Variants in DPYS observed in about 807,000 individuals in gnomAD.
The protein encoded by DPYS is dihydropyrimidinase, also known as dihydropyrimidine amidohydrolase.
In DPYS, 39 loss-of-function variants were observed where a neutral mutation model predicts 50.3. The ratio of observed to expected loss-of-function variants is 0.78; its 90% CI spans 0.60 to 1.01. DPYS has a LOEUF of 1.01. DPYS is among the 50% of genes least tolerant of loss of function. The pLI is 0.00. For missense variants in DPYS, 659 were observed against 680.9 expected (o/e 0.97, Z 0.36); for synonymous variants, 245 against 250.7 (o/e 0.98, Z 0.22).
rs2140620983 is a variant in DPYS at position 104,424,020 on chromosome 8, T to C, written c.1235+227A>G. 8 of 985,408 alleles carry C rather than the reference T, an allele frequency of 8.1e-6. No homozygotes were observed. The South Asian group carries it at 3.3e-4, about 41-fold the overall frequency. The allele number at this position is 985,408 out of a possible 1,614,324, so 61.0% of individuals were successfully genotyped here. ...AATTCATATTGGTTTTATATACAGA[T>C]CCATTGTCAGAGAATGCAACACAAC... On this transcript the variant is annotated intron_variant, in intron 7 of 9. Coordinates refer to ENST00000351513, the MANE Select transcript of DPYS (RefSeq NM_001385.3).
chr8:104,428,219 A>G (rs556993389), intron 5 of DPYS, 98 bp from the exon 6 acceptor site: 11 of 1,535,080 alleles, frequency 7.2e-6, no homozygotes, highest in East Asian at 4.5e-5. Context: ...TCCCTTCTCA[A>G]TTGAAGTCAG....
chr8:104,397,941 G>A (rs1302680893), intron 7 of DPYS, among the ~76,000 whole-genome samples: 1 of 152,184 alleles, frequency 6.6e-6, no homozygotes, highest in Admixed American at 6.5e-5. Flanking sequence ...ATATCATCAC[G>A]TGATTTATCA....
At chr8:104,403,274 A>C (rs1329505386) in intron 7 of DPYS, among the ~76,000 whole-genome samples, 1 of 152,110 alleles carries the variant, frequency 6.6e-6, no homozygotes, top group Non-Finnish European at 1.5e-5. Flanking sequence ...CACCCTAATC[A>C]AGCTGAACAC....
chr8:104,431,138 T>G (rs1256691462), intron 4 of DPYS, among the ~76,000 whole-genome samples: 1 of 152,150 alleles, frequency 6.6e-6, no homozygotes, highest in Non-Finnish European at 1.5e-5. Flanking sequence ...AGTCGCTGAC[T>G]GAGGATTTTC....
intron 7 of DPYS, among the ~76,000 whole-genome samples, chr8:104,401,060 G>A (rs1811785517): frequency 6.6e-6 from 1 of 152,054 alleles, no homozygotes; most frequent in Admixed American, 6.5e-5. Context: ...CCAGATAAAT[G>A]ACTTGTTTTA....
intron 7 of DPYS, chr8:104,420,202 G>A (rs1812497835): frequency 6.6e-6 from 1 of 152,168 alleles, no homozygotes; most frequent in Admixed American, 6.5e-5. Flanking sequence ...AAGGACAGTG[G>A]AAAGCTATGG....
At chr8:104,448,284 T>C (rs555540831) in intron 2 of DPYS, among the ~76,000 whole-genome samples, 87 of 151,904 alleles carry the variant, frequency 5.7e-4, no homozygotes, top group African/African-American at 2.0e-3. Context: ...GCCTCCTGAG[T>C]AGCTGGGATT....
At chr8:104,401,952 T>G (rs532274404) in intron 7 of DPYS, among the ~76,000 whole-genome samples, 6 of 152,352 alleles carry the variant, frequency 3.9e-5, no homozygotes, top group African/African-American at 1.4e-4. Flanking sequence ...GCCACGTTAT[T>G]AAATCTAAAT....
intron 7 of DPYS, among the ~76,000 whole-genome samples, chr8:104,401,452 C>T (rs1237057333): frequency 1.3e-5 from 2 of 152,072 alleles, no homozygotes; most frequent in Non-Finnish European, 1.5e-5. Context: ...CTGGGCCTTT[C>T]GCTTCAGAGG....
rs1426625943 is a variant in DPYS, at chr8:104,444,362, C to T, written c.679G>A (p.Ala227Thr). ...HELCRPEAVE[A>T]EATLRAITIA... is the part of the protein sequence containing the mutation. Reference sequence around the variant, plus strand: ...GTGATGGCTCTCAGCGTGGCCTCTGCCTCCACTGCCTCTGGGCGGCACAGC... The same window carrying T: ...GTGATGGCTCTCAGCGTGGCCTCTGTCTCCACTGCCTCTGGGCGGCACAGC... The change falls in exon 4 of 10, where the codon GCA (alanine) becomes ACA (threonine). Residue 227 changes from alanine to threonine, a missense_variant. By Grantham distance (58) the Ala-to-Thr change is moderately conservative (BLOSUM62 0). Coordinates refer to ENST00000351513, the MANE Select transcript of DPYS (RefSeq NM_001385.3). 3 of 1,614,244 alleles carry T rather than the reference C, an allele frequency of 1.9e-6. No individual in the cohort carries two copies. The highest frequency in any genetic ancestry group is 4.5e-5 in the East Asian group (2 of 44,886).
chr8:104,459,196 G>A (rs923982634), intron 1 of DPYS, among the ~76,000 whole-genome samples: 2 of 152,220 alleles, frequency 1.3e-5, no homozygotes, highest in Admixed American at 1.3e-4. Flanking sequence ...TGTCAGCCAA[G>A]TAAGCAGGTC....
chr8:104,381,512 A>C (rs1811038198), intron 8 of DPYS, 198 bp from the exon 9 acceptor site: 1 of 558,360 alleles, frequency 1.8e-6, no homozygotes. Flanking sequence ...TGTGGGTATT[A>C]ATCTGCCTCA....
At chr8:104,433,514 G>C (rs1193640978) in intron 4 of DPYS, among the ~76,000 whole-genome samples, 3 of 152,080 alleles carry the variant, frequency 2.0e-5, no homozygotes, top group Non-Finnish European at 4.4e-5. Context: ...CACACCTGTA[G>C]TCCCAGCTAC....
intron 7 of DPYS, among the ~76,000 whole-genome samples, chr8:104,415,795 G>A (rs1320636476): frequency 6.6e-6 from 1 of 152,138 alleles, no homozygotes; most frequent in African/African-American, 2.4e-5. Context: ...CTGGGAGACA[G>A]AGTTTTTATA....
Position 104,447,249 on chromosome 8 carries a change from T to C in DPYS, c.603+75A>G, listed in dbSNP as rs113330924. On this transcript the variant is annotated intron_variant, in intron 3 of 9. Coordinates refer to ENST00000351513, the MANE Select transcript of DPYS (RefSeq NM_001385.3). ...CCAATGCATTAAATGAGTTTACCTA[T>C]GTAGGCCCAATCATCTTCACCTTAT... 1.9e-5 allele frequency: 30 copies of C among 1,554,384 alleles called. No individual in the cohort carries two copies. The African/African-American group carries it at 2.8e-4, about 15-fold the overall frequency.
chr8:104,447,467 C>T lies in DPYS; in HGVS notation c.460G>A (p.Gly154Ser), dbSNP rs1467206095. 2.5e-6 allele frequency: 4 copies of T among 1,613,886 alleles called. No homozygotes were observed. The highest frequency in any genetic ancestry group is 2.2e-5 in the East Asian group (1 of 44,884). The change falls in exon 3 of 10, where the codon GGT becomes AGT. Residue 154 changes from glycine (G) to serine (S), a missense_variant. Transcript: ENST00000351513. ...EEMKILVQDK[G>S]VNSFKMFMAY... The stretch of plus-strand genomic sequence containing the variant: ...ATAAACATCTTGAAAGAGTTAACAC[C>T]TTTATCTTGCACAAGGATTTTCATT...
At chr8:104,399,290 C>CAA (rs11323938) in intron 7 of DPYS, among the ~76,000 whole-genome samples, 8 of 74,892 alleles carry the variant, frequency 1.1e-4, no homozygotes, top group South Asian at 6.5e-4. Context: ...GACTCCATCT[C>CAA]AAAAAAAAAA....
intron 7 of DPYS, among the ~76,000 whole-genome samples, chr8:104,399,464 C>G (rs1466462348): frequency 1.3e-5 from 2 of 151,920 alleles, no homozygotes; most frequent in African/African-American, 4.8e-5. Flanking sequence ...TTAAGTGGGC[C>G]CCACACACTA....
rs373205557 is a variant in DPYS at position 104,460,639 on chromosome 8, A to G, written c.264+6018T>C. ...GGGGTGGAGGTGAAAAGCATGAACT[A>G]TGGACTATCAAAGCTGAAATAAGGC... is the stretch of plus-strand genomic sequence containing the variant. On this transcript the variant is annotated intron_variant, in intron 1 of 9. Transcript: ENST00000351513. Among the ~76,000 whole-genome samples, 6 of 152,338 alleles carry G rather than the reference A, an allele frequency of 3.9e-5. No individual in the cohort carries two copies. In the East Asian group the frequency reaches 7.7e-4, roughly 20 times the overall value.
Sources: gnomAD v4.1 joint callset for allele counts (sites outside exome capture counted in the v4.1 genomes callset) on GRCh38, gnomAD v4.1.1 for gene constraint, MANE v1.5 for transcripts, NCBI Gene and HGNC (gene_info 2026-07-23, HGNC 2026-07-21) for gene names.